Variants in MOCOS observed in about 807,000 individuals in gnomAD.
The protein encoded by MOCOS is molybdenum cofactor sulfurase.
A neutral mutation model predicts 83.6 loss-of-function variants in MOCOS; 86 were observed. The ratio of observed to expected loss-of-function variants is 1.03; its 90% CI spans 0.86 to 1.23. The LOEUF (loss-of-function observed/expected upper bound fraction) is 1.23, where lower values mean the gene tolerates loss of function less well. Ranked by LOEUF, MOCOS falls within the 50% of genes most tolerant of loss-of-function variation. The pLI is 0.00. For missense variants in MOCOS, 1,120 were observed against 1,126.9 expected, an observed-to-expected ratio of 0.99 and a Z score of 0.09; for synonymous variants, 445 against 434.7, an observed-to-expected ratio of 1.02 and a Z score of -0.29.
At chr18:36,264,432 C>T (rs1235983035) in intron 13 of MOCOS, among the ~76,000 whole-genome samples, 1 of 152,104 alleles carries the variant, frequency 6.6e-6, no homozygotes, top group East Asian at 1.9e-4. Context: ...GTGCAGGAGC[C>T]ACACTGGCTC....
intron 9 of MOCOS, 65 bp downstream of exon 9, chr18:36,220,282 AC>A: frequency 1.3e-6 from 2 of 1,583,560 alleles, no homozygotes; most frequent in Non-Finnish European, 1.7e-6. Context: ...CATATGAAAT[AC>A]TCTACCAAGT....
intron 13 of MOCOS, 83 bp downstream of exon 13, chr18:36,260,258 G>C: frequency 6.4e-7 from 1 of 1,570,928 alleles, no homozygotes; most frequent in Non-Finnish European, 8.8e-7. Context: ...ATAGCTGCAG[G>C]TGGGACTCCC....
chr18:36,230,278 T>G (rs2091533123), intron 9 of MOCOS, among the ~76,000 whole-genome samples: 1 of 151,984 alleles, frequency 6.6e-6, no homozygotes, highest in Non-Finnish European at 1.5e-5. Flanking sequence ...AGAGATGGGA[T>G]TTCACCATGT....
chr18:36,195,482 C>T (rs1226043371), intron 2 of MOCOS, 136 bp downstream of exon 2: 1 of 784,596 alleles, frequency 1.3e-6, no homozygotes, highest in Non-Finnish European at 2.1e-6. Context: ...AGATAGGGGC[C>T]AGGCAAGCAC....
At chr18:36,207,197 C>A (rs911321444) in intron 6 of MOCOS, among the ~76,000 whole-genome samples, 4 of 152,010 alleles carry the variant, frequency 2.6e-5, no homozygotes, top group African/African-American at 7.2e-5. Context: ...CCACTACGCC[C>A]GGTTAATTTT....
intron 9 of MOCOS, among the ~76,000 whole-genome samples, chr18:36,221,409 A>C (rs568466526): frequency 8.5e-5 from 13 of 152,238 alleles, no homozygotes; most frequent in South Asian, 6.2e-4. Context: ...ACATACGTAC[A>C]TACATAAAAC....
Position 36,268,768 on chromosome 18 carries a change from TG to T in MOCOS, c.*84del. 8.5e-7 allele frequency: 1 copy of T among 1,181,858 alleles called. No homozygotes were observed. Among genetic ancestry groups the T allele is most frequent in the Middle Eastern group, 2.2e-4 (1 of 4,530 alleles). The allele number at this position is 1,181,858 out of a possible 1,614,324, so 73.2% of individuals were successfully genotyped here. A position where few individuals can be genotyped will look rare whatever the true frequency, so the allele number is the denominator to read the frequency against. Reference sequence around the variant, plus strand: ...TGCAACTTGGTTCAGTAGAACTTGATGTTTTGAATAAGGAGAGCTCTTTTTC... The same window carrying T: ...TGCAACTTGGTTCAGTAGAACTTGATTTTTGAATAAGGAGAGCTCTTTTTC... On this transcript the variant is annotated 3_prime_UTR_variant, in exon 15 of 15. Transcript: ENST00000261326.
At chr18:36,188,088 A>T (rs1024650868) in intron 1 of MOCOS, among the ~76,000 whole-genome samples, 13 of 151,298 alleles carry the variant, frequency 8.6e-5, no homozygotes, top group South Asian at 8.6e-4. Context: ...CGGTGCGTGG[A>T]CCGCCAGCGC....
At chr18:36,236,553 A>G (rs1256829593) in intron 9 of MOCOS, among the ~76,000 whole-genome samples, 1 of 102,690 alleles carries the variant, frequency 9.7e-6, no homozygotes, top group Admixed American at 1.1e-4. Context: ...TATAGTTTGA[A>G]GTCAGGTAGT....
At chr18:36,263,181 G>A (rs1451206855) in intron 13 of MOCOS, among the ~76,000 whole-genome samples, 1 of 152,180 alleles carries the variant, frequency 6.6e-6, no homozygotes, top group African/African-American at 2.4e-5. Context: ...TGTGAAACTA[G>A]CACATCTCTT....
intron 9 of MOCOS, among the ~76,000 whole-genome samples, chr18:36,227,287 A>G (rs1212296905): frequency 6.6e-6 from 1 of 152,162 alleles, no homozygotes; most frequent in Non-Finnish European, 1.5e-5. Context: ...GCTGGAGTGC[A>G]GTGACATGAT....
chr18:36,194,881 G>C (rs1373274244), intron 1 of MOCOS, among the ~76,000 whole-genome samples: 1 of 152,238 alleles, frequency 6.6e-6, no homozygotes, highest in Non-Finnish European at 1.5e-5. Flanking sequence ...TGGGAAAGTA[G>C]GATCAGGGCT....
chr18:36,199,751 C>A lies in MOCOS; in HGVS notation c.368C>A (p.Ala123Asp). 1 of 1,614,172 alleles carries A rather than the reference C, an allele frequency of 6.2e-7. No homozygotes were observed. The highest frequency in any genetic ancestry group is 8.5e-7 in the Non-Finnish European group (1 of 1,180,032). ...TVIFTAGSTA[A>D]LKLVAEAFPW... ...ATCTTCACTGCCGGGAGCACGGCTGCTCTCAAACTGGTGGCAGAGGCCTTT... is the reference window on the plus strand; with the variant it reads ...ATCTTCACTGCCGGGAGCACGGCTGATCTCAAACTGGTGGCAGAGGCCTTT... Residue 123 changes from alanine (A) to aspartate (D), a missense_variant, in exon 4 of 15, where the codon GCT becomes GAT. Physicochemically the swap from Ala to Asp is moderately radical, Grantham distance 126. Coordinates refer to ENST00000261326, the MANE Select transcript of MOCOS (RefSeq NM_017947.4).
At chr18:36,208,212 T>C (rs2091441571) in intron 6 of MOCOS, among the ~76,000 whole-genome samples, 1 of 152,252 alleles carries the variant, frequency 6.6e-6, no homozygotes, top group Admixed American at 6.5e-5. Context: ...GTAGTATAGT[T>C]TGATGTCATG....
In MOCOS at chr18:36,223,803, T is replaced by G. The variant is rs189862425; in HGVS notation, c.1960+3586T>G. On this transcript the variant is annotated intron_variant, in intron 9 of 14. Transcript: ENST00000261326. ...TCAATGTTTTGTAGTTTTCAGAATG[T>G]GAGTATTTCACCTCCTTAGATAAGT... Among the ~76,000 whole-genome samples, 147 of 152,334 alleles carry G rather than the reference T, an allele frequency of 9.6e-4. 1 individual carries two copies. Among genetic ancestry groups the G allele is most frequent in the Non-Finnish European group, 4.1e-4 (28 of 68,024 alleles).
intron 11 of MOCOS, among the ~76,000 whole-genome samples, chr18:36,254,458 C>CTGTGTGTG (rs60813321): frequency 0.04 from 5,548 of 138,872 alleles, 147 homozygotes; most frequent in Non-Finnish European, 0.054. Context: ...TACATTATCT[C>CTGTGTGTG]TGTGTGTGTG....
chr18:36,259,448 CAAAA>C (rs397858504), intron 12 of MOCOS, among the ~76,000 whole-genome samples: 4 of 92,414 alleles, frequency 4.3e-5, no homozygotes, highest in Non-Finnish European at 4.1e-5. Flanking sequence ...GACCTTGTCT[CAAAA>C]AAAAAAAAAA....
intron 6 of MOCOS, 54 bp downstream of exon 6, chr18:36,205,330 C>A (rs998831894): frequency 3.9e-6 from 6 of 1,554,446 alleles, no homozygotes; most frequent in Non-Finnish European, 5.3e-6. Context: ...TAGTTCCAGA[C>A]GAGAGCAATG....
intron 6 of MOCOS, among the ~76,000 whole-genome samples, chr18:36,208,053 C>A (rs1215075851): frequency 1.3e-5 from 2 of 152,146 alleles, no homozygotes; most frequent in East Asian, 1.9e-4. Flanking sequence ...AATAGGGAGT[C>A]TTTTCCCCAT....
Sources: gnomAD v4.1 joint callset for allele counts (sites outside exome capture counted in the v4.1 genomes callset) on GRCh38, gnomAD v4.1.1 for gene constraint, MANE v1.5 for transcripts, NCBI Gene and HGNC (gene_info 2026-07-23, HGNC 2026-07-21) for gene names.